The following MTUS2 variants were observed in gnomAD, a reference collection of about 807,000 sequenced individuals.
MTUS2 encodes the protein microtubule associated scaffold protein 2.
MTUS2 carries 40 observed loss-of-function variants against 114.1 expected under a neutral mutation model. The observed-to-expected ratio is 0.35, with a 90% confidence interval of 0.27 to 0.46. MTUS2 has a LOEUF of 0.46. MTUS2 is among the 20% of genes least tolerant of loss of function. MTUS2 has a pLI of 1.00. For missense variants in MTUS2, 1,679 were observed against 1,705.4 expected (o/e 0.98, Z 0.27); for synonymous variants, 688 against 672.0 (o/e 1.02, Z -0.37).
intron 2 of MTUS2, among the ~76,000 whole-genome samples, chr13:28,850,376 G>C (rs1437663332): frequency 6.6e-6 from 1 of 152,184 alleles, no homozygotes; most frequent in Non-Finnish European, 1.5e-5. Context: ...GTTGTGCTCT[G>C]ATCTTGGCTC....
intron 8 of MTUS2, among the ~76,000 whole-genome samples, chr13:29,433,237 G>C (rs1235279198): frequency 6.6e-6 from 1 of 152,176 alleles, no homozygotes; most frequent in Non-Finnish European, 1.5e-5. Context: ...TTCCCCACAT[G>C]CACAAAGGCA....
intron 9 of MTUS2, among the ~76,000 whole-genome samples, chr13:29,443,315 TG>T: frequency 6.6e-6 from 1 of 152,282 alleles, no homozygotes; most frequent in Admixed American, 6.5e-5. Context: ...GCTTTGGCTC[TG>T]GGGGCCCTGT....
chr13:28,956,827 G>A (rs1220082033), intron 2 of MTUS2, among the ~76,000 whole-genome samples: 2 of 150,918 alleles, frequency 1.3e-5, no homozygotes, highest in African/African-American at 2.4e-5. Context: ...AGGAAGTGTG[G>A]CGGGGACAGA....
chr13:28,989,836 T>C (rs568153013), intron 2 of MTUS2, among the ~76,000 whole-genome samples: 6 of 113,098 alleles, frequency 5.3e-5, no homozygotes, highest in African/African-American at 1.9e-4. Flanking sequence ...TTTGGGCCTT[T>C]TTTTTGTTTT....
At chr13:29,112,678 G>T (rs919213601) in intron 5 of MTUS2, among the ~76,000 whole-genome samples, 1 of 152,108 alleles carries the variant, frequency 6.6e-6, no homozygotes, top group Non-Finnish European at 1.5e-5. Context: ...GAAGATGAAA[G>T]CAAGTGAGAA....
intron 5 of MTUS2, among the ~76,000 whole-genome samples, chr13:29,146,024 G>C (rs964212193): frequency 1.3e-5 from 2 of 152,084 alleles, no homozygotes; most frequent in East Asian, 3.8e-4. Context: ...TTTTGCTTCT[G>C]TATTTGTTGT....
chr13:29,386,191 C>T (rs1872619640), intron 8 of MTUS2, among the ~76,000 whole-genome samples: 1 of 152,210 alleles, frequency 6.6e-6, no homozygotes. Context: ...TATCCTGACA[C>T]TTGTTAAAAC....
At chr13:29,179,349 G>T (rs1893903241) in intron 5 of MTUS2, among the ~76,000 whole-genome samples, 1 of 152,174 alleles carries the variant, frequency 6.6e-6, no homozygotes, top group African/African-American at 2.4e-5. Flanking sequence ...GTATGGAAAT[G>T]GAAAGAAATG....
intron 7 of MTUS2, among the ~76,000 whole-genome samples, chr13:29,343,407 T>A (rs1446522121): frequency 6.6e-6 from 1 of 152,074 alleles, no homozygotes; most frequent in East Asian, 1.9e-4. Context: ...CCAGGAATTT[T>A]TCCATCTCCT....
chr13:29,202,870 TC>T (rs1895019409), intron 5 of MTUS2, among the ~76,000 whole-genome samples: 1 of 152,206 alleles, frequency 6.6e-6, no homozygotes, highest in Non-Finnish European at 1.5e-5. Flanking sequence ...GCCTGTTCCT[TC>T]CTCTGGAAGG....
intron 9 of MTUS2, among the ~76,000 whole-genome samples, chr13:29,453,272 T>G (rs1296825750): frequency 6.6e-6 from 1 of 152,220 alleles, no homozygotes; most frequent in Admixed American, 6.5e-5. Context: ...CACATGCAAA[T>G]TATGCAAACA....
chr13:29,134,986 A>G (rs1444024659), intron 5 of MTUS2, among the ~76,000 whole-genome samples: 3 of 152,352 alleles, frequency 2.0e-5, no homozygotes, highest in South Asian at 2.1e-4. Context: ...CGAGGTTTCA[A>G]TTACCTACTT....
At chr13:28,833,866 G>C (rs879651719) in intron 1 of MTUS2, among the ~76,000 whole-genome samples, 8 of 152,028 alleles carry the variant, frequency 5.3e-5, no homozygotes, top group African/African-American at 1.9e-4. Flanking sequence ...ATTAATAAAA[G>C]TCAATTGTAT....
At chr13:29,030,120 GTGT>G (rs1886748393) in intron 3 of MTUS2, among the ~76,000 whole-genome samples, 1 of 152,094 alleles carries the variant, frequency 6.6e-6, no homozygotes, top group Non-Finnish European at 1.5e-5. Flanking sequence ...TTTCTTTTCT[GTGT>G]TGTTCTGCTT....
At chr13:29,215,345 G>C (rs1006589731) in intron 5 of MTUS2, among the ~76,000 whole-genome samples, 5 of 151,860 alleles carry the variant, frequency 3.3e-5, no homozygotes, top group African/African-American at 7.3e-5. Flanking sequence ...ATTACCCACT[G>C]TCTGAATCCT....
intron 14 of MTUS2, among the ~76,000 whole-genome samples, chr13:29,499,844 C>A (rs377325512): frequency 3.3e-5 from 5 of 152,250 alleles, no homozygotes; most frequent in Non-Finnish European, 7.3e-5. Flanking sequence ...TCTTGCTGCA[C>A]GGGTGCAGTT....
intron 6 of MTUS2, among the ~76,000 whole-genome samples, chr13:29,285,089 A>G (rs1898423342): frequency 6.6e-6 from 1 of 152,024 alleles, no homozygotes; most frequent in Non-Finnish European, 1.5e-5. Context: ...CTACTGGTAA[A>G]AAAGAAAAAA....
chr13:28,978,210 G>A (rs879467371), intron 2 of MTUS2, among the ~76,000 whole-genome samples: 5 of 152,200 alleles, frequency 3.3e-5, no homozygotes, highest in African/African-American at 4.8e-5. Flanking sequence ...AAATAGGCAA[G>A]TGTCTCAACT....
At chr13:29,187,716 T>G (rs1894283517) in intron 5 of MTUS2, among the ~76,000 whole-genome samples, 1 of 152,184 alleles carries the variant, frequency 6.6e-6, no homozygotes, top group South Asian at 2.1e-4. Flanking sequence ...TATTCCTGAT[T>G]AACAGGCACT....
Sources: gnomAD v4.1 joint callset for allele counts (sites outside exome capture counted in the v4.1 genomes callset) on GRCh38, gnomAD v4.1.1 for gene constraint, MANE v1.5 for transcripts, NCBI Gene and HGNC (gene_info 2026-07-23, HGNC 2026-07-21) for gene names.